ADGRL3: variants seen among roughly 807,000 people sequenced by gnomAD.
ADGRL3 encodes adhesion G protein-coupled receptor L3, also known as calcium-independent alpha-latrotoxin receptor 3.
Under a neutral mutation model 153.5 loss-of-function variants are expected in ADGRL3, and 62 were observed. The ratio of observed to expected loss-of-function variants is 0.40; its 90% CI spans 0.33 to 0.50. The LOEUF (loss-of-function observed/expected upper bound fraction) is 0.50, where lower values mean the gene tolerates loss of function less well. Ranked by LOEUF, ADGRL3 falls within the 20% of genes least tolerant of loss-of-function variation. ADGRL3 has a pLI of 0.47. For missense variants in ADGRL3, 1,641 were observed against 1,859.4 expected (o/e 0.88, Z 2.16); for synonymous variants, 710 against 672.5 (o/e 1.06, Z -0.86).
At chr4:61,995,179 C>G (rs2099117464) in intron 19 of ADGRL3, among the ~76,000 whole-genome samples, 1 of 151,454 alleles carries the variant, frequency 6.6e-6, no homozygotes, top group Non-Finnish European at 1.5e-5. Flanking sequence ...GCTGGTATTA[C>G]AGATGTGAGA....
At chr4:61,393,149 C>T (rs913020933) in intron 2 of ADGRL3, among the ~76,000 whole-genome samples, 1 of 152,076 alleles carries the variant, frequency 6.6e-6, no homozygotes, top group African/African-American at 2.4e-5. Context: ...AAGAACAGCA[C>T]TAGATTATCC....
chr4:61,692,550 C>A (rs918704594), intron 6 of ADGRL3, among the ~76,000 whole-genome samples: 1 of 151,272 alleles, frequency 6.6e-6, no homozygotes, highest in African/African-American at 2.4e-5. Context: ...TCAGGTGATT[C>A]TCCTGCCTCA....
intron 2 of ADGRL3, among the ~76,000 whole-genome samples, chr4:61,430,507 AC>A (rs1331571103): frequency 6.6e-6 from 1 of 152,160 alleles, no homozygotes; most frequent in Non-Finnish European, 1.5e-5. Context: ...TGTACATGCA[AC>A]TTGCATTAAC....
chr4:61,462,656 A>C (rs1475266519), intron 2 of ADGRL3, among the ~76,000 whole-genome samples: 1 of 152,182 alleles, frequency 6.6e-6, no homozygotes, highest in Non-Finnish European at 1.5e-5. Flanking sequence ...AGAGCTGAGT[A>C]TTTTAGGCAA....
At chr4:61,854,885 C>T (rs1018965406) in intron 9 of ADGRL3, among the ~76,000 whole-genome samples, 2 of 152,148 alleles carry the variant, frequency 1.3e-5, no homozygotes, top group African/African-American at 4.8e-5. Context: ...TTCCAAAAAT[C>T]TATGATCTCA....
chr4:61,757,165 G>A (rs557681290), intron 8 of ADGRL3, among the ~76,000 whole-genome samples: 1 of 151,994 alleles, frequency 6.6e-6, no homozygotes, highest in Non-Finnish European at 1.5e-5. Context: ...CCCTCTTTTT[G>A]TATTGATTGG....
At chr4:61,782,467 G>A (rs946861042) in intron 8 of ADGRL3, among the ~76,000 whole-genome samples, 2 of 152,102 alleles carry the variant, frequency 1.3e-5, no homozygotes, top group African/African-American at 4.8e-5. Flanking sequence ...AATAAGTAGT[G>A]CTAAAAATAT....
At chr4:61,478,904 G>C (rs2152724863) in intron 2 of ADGRL3, among the ~76,000 whole-genome samples, 2 of 152,044 alleles carry the variant, frequency 1.3e-5, no homozygotes, top group Middle Eastern at 6.8e-3. Flanking sequence ...CCATGGTAAA[G>C]AAAAAACCTA....
At chr4:61,778,546 T>G (rs1306536280) in intron 8 of ADGRL3, among the ~76,000 whole-genome samples, 1 of 152,208 alleles carries the variant, frequency 6.6e-6, no homozygotes, top group Admixed American at 6.5e-5. Flanking sequence ...ATAAAACAGG[T>G]AAAAATTGCC....
intron 8 of ADGRL3, among the ~76,000 whole-genome samples, chr4:61,766,155 C>A (rs2096976423): frequency 6.6e-6 from 1 of 151,912 alleles, no homozygotes; most frequent in South Asian, 2.1e-4. Context: ...GGTGTGGTAT[C>A]AGGAATAATG....
At chr4:61,817,464 G>T (rs895119506) in intron 9 of ADGRL3, among the ~76,000 whole-genome samples, 3 of 152,128 alleles carry the variant, frequency 2.0e-5, no homozygotes, top group Admixed American at 2.0e-4. Context: ...GGGATGACCT[G>T]CCTGCAGAAG....
intron 1 of ADGRL3, among the ~76,000 whole-genome samples, chr4:61,308,239 C>T (rs1266622902): frequency 6.6e-6 from 1 of 152,134 alleles, no homozygotes; most frequent in Non-Finnish European, 1.5e-5. Flanking sequence ...CTTAGCAATT[C>T]TTCCACTCCT....
intron 17 of ADGRL3, among the ~76,000 whole-genome samples, chr4:61,971,803 T>G (rs931394174): frequency 1.6e-4 from 25 of 152,288 alleles, no homozygotes; most frequent in Admixed American, 1.6e-3. Context: ...TTTCTCCACA[T>G]CCTCTCCAGC....
chr4:61,875,291 T>G (rs1255276006), intron 9 of ADGRL3, among the ~76,000 whole-genome samples: 1 of 152,222 alleles, frequency 6.6e-6, no homozygotes, highest in African/African-American at 2.4e-5. Context: ...TTTTCTTCAT[T>G]GCCAGTGGTA....
intron 5 of ADGRL3, among the ~76,000 whole-genome samples, chr4:61,617,789 T>C (rs553470541): frequency 6.6e-6 from 1 of 152,356 alleles, no homozygotes; most frequent in East Asian, 1.9e-4. Context: ...TTTTCTTCCC[T>C]AAGCAAAATC....
At chr4:61,339,637 A>G (rs1162242989) in intron 1 of ADGRL3, among the ~76,000 whole-genome samples, 1 of 152,222 alleles carries the variant, frequency 6.6e-6, no homozygotes, top group Non-Finnish European at 1.5e-5. Context: ...AATATTAGCA[A>G]GAATGTGAAC....
chr4:61,847,331 A>G (rs963376485), intron 9 of ADGRL3, among the ~76,000 whole-genome samples: 3 of 151,110 alleles, frequency 2.0e-5, no homozygotes, highest in Non-Finnish European at 4.4e-5. Context: ...TTCACTGACA[A>G]TTGCCCTGCA....
At chr4:61,340,820 G>A (rs1447170544) in intron 1 of ADGRL3, among the ~76,000 whole-genome samples, 1 of 150,580 alleles carries the variant, frequency 6.6e-6, no homozygotes, top group Non-Finnish European at 1.5e-5. Context: ...ATTTATGTGT[G>A]TGTGTTTGTG....
intron 8 of ADGRL3, among the ~76,000 whole-genome samples, chr4:61,744,415 G>A (rs972992302): frequency 6.6e-6 from 1 of 152,158 alleles, no homozygotes; most frequent in African/African-American, 2.4e-5. Context: ...GCCTCCTCAA[G>A]TGGGTCCCTG....
Sources: gnomAD v4.1 joint callset for allele counts (sites outside exome capture counted in the v4.1 genomes callset) on GRCh38, gnomAD v4.1.1 for gene constraint, MANE v1.5 for transcripts, NCBI Gene and HGNC (gene_info 2026-07-23, HGNC 2026-07-21) for gene names.